Variants in KIF26B observed in about 807,000 individuals in gnomAD.
KIF26B encodes the protein kinesin family member 26B.
KIF26B carries 63 observed loss-of-function variants against 151.2 expected under a neutral mutation model. That is an observed-to-expected ratio of 0.42 (90% confidence interval 0.34 to 0.51). KIF26B has a LOEUF of 0.51. Among genes scored for constraint, KIF26B ranks in the 20% least tolerant of loss-of-function variants. KIF26B has a pLI of 0.07. For synonymous variants in KIF26B, 1,357 were observed against 1,262.1 expected, an observed-to-expected ratio of 1.08 and a Z score of -1.59; for missense variants, 2,813 against 2,913.6, an observed-to-expected ratio of 0.97 and a Z score of 0.79.
At chr1:245,334,161 C>T (rs1003345011) in intron 2 of KIF26B, among the ~76,000 whole-genome samples, 3 of 152,162 alleles carry the variant, frequency 2.0e-5, no homozygotes, top group Non-Finnish European at 4.4e-5. Context: ...TGGCCTCTCT[C>T]TCTTTTTATT....
rs1204145895 is a variant in KIF26B at position 245,703,056 on chromosome 1, TTTC to T, written c.*453_*455del. ...ATTATCCAAACATTTATGTTCATAC[TTTC>T]TTGTGTACAGATGGTGCTAGTCAAG... is the stretch of plus-strand genomic sequence containing the variant. On this transcript the variant is annotated 3_prime_UTR_variant, in exon 15 of 15. Coordinates refer to ENST00000407071, the MANE Select transcript of KIF26B (RefSeq NM_018012.4). 6.3e-6 allele frequency: 1 copy of T among 158,050 alleles called. No homozygotes were observed. Among genetic ancestry groups the T allele is most frequent in the Non-Finnish European group, 1.4e-5 (1 of 71,956 alleles). The allele number at this position is 158,050 out of a possible 1,614,324, so 9.8% of individuals were successfully genotyped here. A position where few individuals can be genotyped will look rare whatever the true frequency, so the allele number is the denominator to read the frequency against.
chr1:245,497,869 G>C (rs1660543356), intron 4 of KIF26B, among the ~76,000 whole-genome samples: 1 of 152,152 alleles, frequency 6.6e-6, no homozygotes, highest in Non-Finnish European at 1.5e-5. Flanking sequence ...TCAGCCTCCT[G>C]AGTAGCTGGG....
chr1:245,194,598 G>A lies in KIF26B; in HGVS notation c.465+37915G>A, dbSNP rs1002153266. ...TTGCCATGTTGCCCAGGCTGGTCTC[G>A]AACATCTGACCTCAGGCCATCCACC... On this transcript the variant is annotated intron_variant, in intron 2 of 14. Coordinates refer to ENST00000407071, the MANE Select transcript of KIF26B (RefSeq NM_018012.4). Among the ~76,000 whole-genome samples the A allele has an allele frequency of 1.1e-4, 17 of 152,166 alleles. No individual in the cohort carries two copies. In the East Asian group the frequency reaches 3.1e-3, roughly 28 times the overall value.
chr1:245,347,496 T>A (rs1335160852), intron 2 of KIF26B, among the ~76,000 whole-genome samples: 2 of 151,924 alleles, frequency 1.3e-5, no homozygotes, highest in Non-Finnish European at 2.9e-5. Flanking sequence ...AATTTTTAAA[T>A]TTTTTTTGAG....
At chr1:245,583,188 A>G (rs941802874) in intron 5 of KIF26B, among the ~76,000 whole-genome samples, 3 of 152,132 alleles carry the variant, frequency 2.0e-5, no homozygotes, top group African/African-American at 7.2e-5. Context: ...CCCAGGGAAG[A>G]TCCCGTTGCT....
chr1:245,572,901 A>G lies in KIF26B; in HGVS notation c.1351-29676A>G, dbSNP rs1008802219. On this transcript the variant is annotated intron_variant, in intron 5 of 14. Coordinates refer to ENST00000407071, the MANE Select transcript of KIF26B (RefSeq NM_018012.4). This position sits in a 1 kb window ranked among gnomAD's most constrained non-coding sequence, Gnocchi z 4.2. ...GGGCACCTGTCCCAAGCAGAAATGGAGAAACACGTCCTCACCTCCTCCTGC... is the reference window on the plus strand; with the variant it reads ...GGGCACCTGTCCCAAGCAGAAATGGGGAAACACGTCCTCACCTCCTCCTGC... Among the ~76,000 whole-genome samples, 8 of 152,146 alleles carry G rather than the reference A, an allele frequency of 5.3e-5. No individual in the cohort carries two copies. The highest frequency in any genetic ancestry group is 1.9e-4 in the African/African-American group (8 of 41,440).
intron 4 of KIF26B, among the ~76,000 whole-genome samples, chr1:245,467,866 G>C (rs1450560990): frequency 6.8e-6 from 1 of 146,128 alleles, no homozygotes. Context: ...CTGCATTCCA[G>C]CCTGGGCAAC....
chr1:245,395,239 T>C (rs1673805250), intron 3 of KIF26B, among the ~76,000 whole-genome samples: 1 of 152,224 alleles, frequency 6.6e-6, no homozygotes, highest in Admixed American at 6.5e-5. Flanking sequence ...TGGAGTGTTT[T>C]AGGATGCTCT....
At chr1:245,655,656 C>T (rs2044065078) in intron 10 of KIF26B, among the ~76,000 whole-genome samples, 1 of 152,212 alleles carries the variant, frequency 6.6e-6, no homozygotes, top group South Asian at 2.1e-4. Flanking sequence ...GCTGCACCCC[C>T]AGTTGTATCT....
chr1:245,420,235 A>G lies in KIF26B; in HGVS notation c.1166+490A>G, dbSNP rs975009102. Among the ~76,000 whole-genome samples the G allele has an allele frequency of 3.9e-5, 6 of 152,230 alleles. No individual in the cohort carries two copies. In the East Asian group the frequency reaches 1.2e-3, roughly 29 times the overall value. On this transcript the variant is annotated intron_variant, in intron 4 of 14. Transcript: ENST00000407071. The stretch of plus-strand genomic sequence containing the variant: ...CCCCGCTTCTTGACAGATTAGCCAG[A>G]GTGTTATCAAATACTCTCCAGCTAA...
At chr1:245,585,147 A>G (rs1384517960) in intron 5 of KIF26B, among the ~76,000 whole-genome samples, 1 of 152,156 alleles carries the variant, frequency 6.6e-6, no homozygotes, top group Non-Finnish European at 1.5e-5. Flanking sequence ...GTCAGGCCCT[A>G]CCCCAGACCC....
chr1:245,557,287 G>T (rs1662062864), intron 5 of KIF26B, among the ~76,000 whole-genome samples: 1 of 152,238 alleles, frequency 6.6e-6, no homozygotes, highest in Non-Finnish European at 1.5e-5. Context: ...AAGTAGACTT[G>T]AATTTGAAGG....
intron 3 of KIF26B, among the ~76,000 whole-genome samples, chr1:245,372,297 G>A (rs1022612010): frequency 6.6e-6 from 1 of 152,142 alleles, no homozygotes; most frequent in Non-Finnish European, 1.5e-5. Context: ...CGCCCTATTT[G>A]TCTGCCATGA....
At chr1:245,304,732 C>A (rs1237328496) in intron 2 of KIF26B, among the ~76,000 whole-genome samples, 2 of 142,194 alleles carry the variant, frequency 1.4e-5, no homozygotes, top group Non-Finnish European at 3.2e-5. Context: ...CATCCGTCTA[C>A]CTACATGCCT....
At chr1:245,647,163 T>C (rs1190837651) in intron 10 of KIF26B, among the ~76,000 whole-genome samples, 2 of 152,158 alleles carry the variant, frequency 1.3e-5, no homozygotes, top group Non-Finnish European at 2.9e-5. Context: ...CGGTGGCTCA[T>C]GCCTGTAATC....
intron 2 of KIF26B, among the ~76,000 whole-genome samples, chr1:245,349,383 C>T (rs909447710): frequency 3.3e-5 from 5 of 151,898 alleles, no homozygotes; most frequent in Admixed American, 6.6e-5. Flanking sequence ...GCATGTTTTC[C>T]GTTGATGGTA....
intron 5 of KIF26B, among the ~76,000 whole-genome samples, chr1:245,552,028 G>A (rs1661893858): frequency 7.0e-6 from 1 of 142,068 alleles, no homozygotes; most frequent in African/African-American, 2.7e-5. Context: ...TGAATCCAGA[G>A]CACTACACGG....
In KIF26B at chr1:245,702,598, C is replaced by T. The variant is rs201648182; in HGVS notation, c.6319C>T (p.Arg2107Cys). ...CACCTGCTTCGACATCACCTCCAGG[C>T]GCCGGTAGATGAGCCAGACCCTTGT... The part of the protein sequence containing the change: ...MITCFDITSR[R>C]R Residue 2107 changes from arginine (R) to cysteine (C), a missense_variant, in exon 15 of 15, where the codon CGC (arginine) becomes TGC (cysteine). This residue lies in a region of KIF26B where 2,060 missense variants were observed against 2,088.6 expected (regional missense o/e 0.99). Transcript: ENST00000407071. The surrounding 1 kb of genome is among the most constrained non-coding windows in gnomAD (Gnocchi z 4.1). The T allele has an allele frequency of 1.3e-4, 214 of 1,613,618 alleles. No homozygotes were observed. In the African/African-American group the frequency reaches 2.3e-3, roughly 17 times the overall value.
chr1:245,331,082 C>G lies in KIF26B; in HGVS notation c.466-35752C>G, dbSNP rs145530197. 6.0e-3 allele frequency among the ~76,000 whole-genome samples: 917 copies of G among 152,086 alleles called. 12 individuals are homozygous for G. The highest frequency in any genetic ancestry group is 0.022 in the South Asian group (108 of 4,818). ...AGGAGGGAGCCTCAGAGCAGGAACG[C>G]AGCCGCGGCAGGGGGCGGTGGGAGT... On this transcript the variant is annotated intron_variant, in intron 2 of 14. Coordinates refer to ENST00000407071, the MANE Select transcript of KIF26B (RefSeq NM_018012.4).
Sources: allele counts gnomAD v4.1 joint callset (sites outside exome capture counted in the v4.1 genomes callset), GRCh38; gene constraint gnomAD v4.1.1; regional missense constraint gnomAD v4.1.1; non-coding constraint Gnocchi (gnomAD v3.1); transcripts MANE v1.5; gene names NCBI Gene and HGNC (gene_info 2026-07-23, HGNC 2026-07-21).